Variants in TSPAN18 observed in about 807,000 individuals in gnomAD.
TSPAN18 encodes tetraspanin-18.
TSPAN18 carries 14 observed loss-of-function variants against 27.3 expected under a neutral mutation model. The observed-to-expected ratio is 0.51, with a 90% CI of 0.34 to 0.80. The LOEUF is 0.80. Ranked by LOEUF, TSPAN18 falls within the 30% of genes least tolerant of loss-of-function variation. TSPAN18 has a pLI of 0.01. For missense variants in TSPAN18, 268 were observed against 323.9 expected, an observed-to-expected ratio of 0.83 and a Z score of 1.32; for synonymous variants, 143 against 136.5, an observed-to-expected ratio of 1.05 and a Z score of -0.33.
intron 8 of TSPAN18, among the ~76,000 whole-genome samples, chr11:44,925,307 A>G (rs1024535952): frequency 2.0e-5 from 3 of 152,166 alleles, no homozygotes; most frequent in Admixed American, 6.5e-5. Context: ...TGCATTGCCA[A>G]CCACTTCCCC....
At chr11:44,900,325 A>G (rs1224372641) in intron 3 of TSPAN18, among the ~76,000 whole-genome samples, 1 of 152,206 alleles carries the variant, frequency 6.6e-6, no homozygotes, top group Non-Finnish European at 1.5e-5. Flanking sequence ...GGTGGTGTGA[A>G]GACAGGTCTG....
chr11:44,919,121 C>G, intron 6 of TSPAN18, 93 bp from the exon 7 acceptor site: 1 of 1,042,110 alleles, frequency 9.6e-7, no homozygotes. Context: ...CTCTCATTCC[C>G]CCAACTCCCA....
chr11:44,813,751 A>T (rs768407811), intron 2 of TSPAN18, among the ~76,000 whole-genome samples: 1 of 152,250 alleles, frequency 6.6e-6, no homozygotes, highest in Non-Finnish European at 1.5e-5. Context: ...CAAGAGGCAC[A>T]AAACCTTGCC....
chr11:44,781,906 G>A (rs1855947588), intron 2 of TSPAN18, among the ~76,000 whole-genome samples: 1 of 152,062 alleles, frequency 6.6e-6, no homozygotes. Context: ...GATTAGCTTT[G>A]CCTGTTCCGG....
intron 2 of TSPAN18, among the ~76,000 whole-genome samples, chr11:44,806,114 A>G (rs1432486491): frequency 2.0e-5 from 3 of 148,276 alleles, no homozygotes; most frequent in Non-Finnish European, 4.4e-5. Context: ...GGCTCACTGC[A>G]ACCTCCGCCT....
At chr11:44,869,642 G>C (rs78444718) in intron 3 of TSPAN18, among the ~76,000 whole-genome samples, 1,580 of 152,294 alleles carry the variant, frequency 0.01, 26 homozygotes, top group African/African-American at 0.035. Flanking sequence ...TGGAACCACA[G>C]TGCCTTAGAG....
chr11:44,729,115 G>C (rs1854590403), intron 1 of TSPAN18, among the ~76,000 whole-genome samples: 1 of 152,286 alleles, frequency 6.6e-6, no homozygotes, highest in African/African-American at 2.4e-5. Context: ...AAATGCTCCA[G>C]GACAAAGTTG....
chr11:44,751,371 A>G (rs982892063), intron 1 of TSPAN18, among the ~76,000 whole-genome samples: 4 of 152,080 alleles, frequency 2.6e-5, no homozygotes, highest in African/African-American at 7.2e-5. Flanking sequence ...TGGGGTTCAG[A>G]TGCTGGCTCT....
chr11:44,826,489 C>T (rs969241685), intron 2 of TSPAN18, among the ~76,000 whole-genome samples: 5 of 152,192 alleles, frequency 3.3e-5, no homozygotes, highest in African/African-American at 4.8e-5. Context: ...TTTGGATCAT[C>T]GTCTGTATGT....
At chr11:44,920,289 C>T (rs993747870) in intron 8 of TSPAN18, among the ~76,000 whole-genome samples, 5 of 152,082 alleles carry the variant, frequency 3.3e-5, no homozygotes, top group African/African-American at 4.8e-5. Flanking sequence ...CCGATGTTTC[C>T]TGAGTTTCTG....
chr11:44,916,529 C>T (rs1387471405), intron 5 of TSPAN18, among the ~76,000 whole-genome samples: 4 of 152,156 alleles, frequency 2.6e-5, no homozygotes, highest in Non-Finnish European at 5.9e-5. Context: ...AGGGGAAATG[C>T]TTTCACATGC....
chr11:44,732,231 C>T (rs1854679026), intron 1 of TSPAN18, among the ~76,000 whole-genome samples: 1 of 152,236 alleles, frequency 6.6e-6, no homozygotes, highest in Admixed American at 6.5e-5. Context: ...AGCAAGGCTG[C>T]TGCTCTGAGA....
chr11:44,862,643 A>C (rs1201220358), intron 3 of TSPAN18, among the ~76,000 whole-genome samples: 2 of 151,770 alleles, frequency 1.3e-5, no homozygotes, highest in Non-Finnish European at 2.9e-5. Flanking sequence ...GGGTTCCCTG[A>C]CCTCTCCTCT....
intron 3 of TSPAN18, among the ~76,000 whole-genome samples, chr11:44,863,120 G>C (rs567334147): frequency 5.3e-5 from 8 of 152,316 alleles, no homozygotes; most frequent in Non-Finnish European, 1.0e-4. Context: ...AGGCTTGGGG[G>C]TTCAGAGGCC....
intron 3 of TSPAN18, 134 bp from the exon 4 acceptor site, chr11:44,906,273 T>C: frequency 2.5e-6 from 2 of 809,550 alleles, no homozygotes; most frequent in Non-Finnish European, 4.3e-6. Context: ...CATGCTCATC[T>C]CTATCATCGG....
At chr11:44,824,901 G>A (rs561925100) in intron 2 of TSPAN18, among the ~76,000 whole-genome samples, 1 of 152,122 alleles carries the variant, frequency 6.6e-6, no homozygotes, top group South Asian at 2.1e-4. Flanking sequence ...CAAAGGCTTC[G>A]CTTGGGGCTG....
At chr11:44,866,781 C>T (rs890205991) in intron 3 of TSPAN18, among the ~76,000 whole-genome samples, 1 of 152,222 alleles carries the variant, frequency 6.6e-6, no homozygotes, top group East Asian at 1.9e-4. Flanking sequence ...TCATGGGCTT[C>T]AGCCTAAGCT....
intron 1 of TSPAN18, among the ~76,000 whole-genome samples, chr11:44,751,784 G>A (rs1565133480): frequency 6.6e-6 from 1 of 151,946 alleles, no homozygotes; most frequent in Non-Finnish European, 1.5e-5. Context: ...AAAATTATTT[G>A]GACATGATGG....
intron 5 of TSPAN18, among the ~76,000 whole-genome samples, chr11:44,916,214 G>A (rs1425885601): frequency 6.6e-6 from 1 of 152,222 alleles, no homozygotes. Flanking sequence ...ACACAGTTTG[G>A]AGAGGCCTCG....
Sources: gnomAD v4.1 joint callset for allele counts (sites outside exome capture counted in the v4.1 genomes callset) on GRCh38, gnomAD v4.1.1 for gene constraint, MANE v1.5 for transcripts, NCBI Gene and HGNC (gene_info 2026-07-23, HGNC 2026-07-21) for gene names.